The following LIN9 variants were observed in gnomAD, a reference collection of about 807,000 sequenced individuals.
LIN9 encodes lin-9 DREAM MuvB core complex component.
LIN9 carries 18 observed loss-of-function variants against 78.0 expected under a neutral mutation model. That is an observed-to-expected ratio of 0.23 (90% CI 0.16 to 0.34). LIN9 has a LOEUF of 0.34. LIN9 is among the 10% of genes least tolerant of loss of function. The pLI is 1.00. For synonymous variants in LIN9, 192 were observed against 215.2 expected, an observed-to-expected ratio of 0.89 and a Z score of 0.94; for missense variants, 451 against 644.1, an observed-to-expected ratio of 0.70 and a Z score of 3.25.
At chr1:226,276,241 T>C (rs1179096379) in intron 7 of LIN9, among the ~76,000 whole-genome samples, 2 of 152,212 alleles carry the variant, frequency 1.3e-5, no homozygotes, top group Non-Finnish European at 2.9e-5. Context: ...AGTCTGAGAG[T>C]CACTCTTCAC....
At chr1:226,275,461 C>G (rs200677531) in intron 7 of LIN9, among the ~76,000 whole-genome samples, 3 of 151,760 alleles carry the variant, frequency 2.0e-5, no homozygotes, top group African/African-American at 7.3e-5. Flanking sequence ...TTTGGGAGGC[C>G]GAGGCGGGTG....
chr1:226,272,150 A>G (rs1660322271), intron 7 of LIN9, among the ~76,000 whole-genome samples: 1 of 150,072 alleles, frequency 6.7e-6, no homozygotes, highest in Admixed American at 6.7e-5. Context: ...TCTACCTCCC[A>G]GGTTCAAGTG....
At chr1:226,255,115 G>A (rs1264039041) in intron 10 of LIN9, among the ~76,000 whole-genome samples, 3 of 152,062 alleles carry the variant, frequency 2.0e-5, no homozygotes, top group African/African-American at 7.2e-5. Flanking sequence ...TGTGGTAGGT[G>A]CATTAAGCAT....
intron 6 of LIN9, among the ~76,000 whole-genome samples, chr1:226,284,714 A>G (rs1661293118): frequency 6.6e-6 from 1 of 152,094 alleles, no homozygotes; most frequent in Non-Finnish European, 1.5e-5. Context: ...ACAGAGCAAG[A>G]CTCTGTCTCA....
intron 12 of LIN9, among the ~76,000 whole-genome samples, chr1:226,236,850 T>C (rs1407116516): frequency 6.6e-6 from 1 of 152,224 alleles, no homozygotes; most frequent in Non-Finnish European, 1.5e-5. Context: ...CTGGGTAGCA[T>C]TTCCATTGTG....
chr1:226,303,290 C>CA (rs1481787593), intron 1 of LIN9, among the ~76,000 whole-genome samples: 1 of 152,182 alleles, frequency 6.6e-6, no homozygotes, highest in East Asian at 1.9e-4. Context: ...GCAAAATAGT[C>CA]AAAGTCCCTG....
At position 226,277,767 on chromosome 1, in the gene LIN9, T is replaced by G. The variant is rs759716785; in HGVS notation, c.682+8A>C. 6.2e-7 allele frequency: 1 copy of G among 1,609,698 alleles called. No homozygotes were observed. ...AGTCAAAAGAGTAATTAGCTTGTTTTCACTTACCTGTAACTTTCGTTCCAA... is the reference window on the plus strand; with the variant it reads ...AGTCAAAAGAGTAATTAGCTTGTTTGCACTTACCTGTAACTTTCGTTCCAA... On this transcript the variant is annotated splice_region_variant and intron_variant, in intron 7 of 14. Coordinates refer to ENST00000681046, the MANE Select transcript of LIN9 (RefSeq NM_001366245.2).
intron 11 of LIN9, among the ~76,000 whole-genome samples, chr1:226,240,007 T>C (rs1576276435): frequency 6.6e-6 from 1 of 152,022 alleles, no homozygotes. Flanking sequence ...AAAGAAAACT[T>C]TCCTAGACCT....
At chr1:226,288,910 T>A (rs1576344144) in intron 4 of LIN9, among the ~76,000 whole-genome samples, 1 of 152,058 alleles carries the variant, frequency 6.6e-6, no homozygotes, top group East Asian at 1.9e-4. Context: ...GATTCTAAAG[T>A]CTACATGGAA....
chr1:226,302,688 G>T (rs1576363998), intron 1 of LIN9, among the ~76,000 whole-genome samples: 2 of 151,970 alleles, frequency 1.3e-5, no homozygotes, highest in Non-Finnish European at 2.9e-5. Flanking sequence ...TGATCTCAGG[G>T]GATTAAATAA....
chr1:226,302,460 G>A lies in LIN9; in HGVS notation c.32-1255C>T, dbSNP rs536735138. ...CGGGAGGCTGAGGTGGGAGAATGGC[G>A]TGAGCCCACAAGGCAGAGCTTGCAG... On this transcript the variant is annotated intron_variant, in intron 1 of 14. Coordinates refer to ENST00000681046, the MANE Select transcript of LIN9 (RefSeq NM_001366245.2). Among the ~76,000 whole-genome samples, 365 of 151,582 alleles carry A rather than the reference G, an allele frequency of 2.4e-3. 3 individuals carry two copies. The South Asian group carries it at 0.029, about 12-fold the overall frequency.
intron 11 of LIN9, among the ~76,000 whole-genome samples, chr1:226,243,719 G>T (rs1658266590): frequency 7.0e-6 from 1 of 143,696 alleles, no homozygotes; most frequent in Non-Finnish European, 1.5e-5. Flanking sequence ...AAAAAAAAAG[G>T]TCCCCTCCTC....
intron 1 of LIN9, among the ~76,000 whole-genome samples, chr1:226,305,170 T>TA (rs930861830): frequency 6.0e-5 from 9 of 148,998 alleles, no homozygotes; most frequent in East Asian, 4.0e-4. Context: ...ACTCCATCTT[T>TA]AAAAAAAAAT....
chr1:226,294,734 A>AAAAATT, intron 4 of LIN9, among the ~76,000 whole-genome samples: 1 of 152,306 alleles, frequency 6.6e-6, no homozygotes, highest in East Asian at 1.9e-4. Flanking sequence ...TGAATAAGAC[A>AAAAATT]AAAATTACAT....
chr1:226,233,559 C>T lies in LIN9; in HGVS notation c.1246-36G>A, dbSNP rs370096879. 7 of 1,510,670 alleles carry T rather than the reference C, an allele frequency of 4.6e-6. 1 individual carries two copies. Among genetic ancestry groups the T allele is most frequent in the Non-Finnish European group, 5.4e-6 (6 of 1,120,956 alleles). The allele number at this position is 1,510,670 out of a possible 1,614,324, so 93.6% of individuals were successfully genotyped here. On this transcript the variant is annotated intron_variant, in intron 12 of 14. Transcript: ENST00000681046. ...ATGATTGAAGCATGAGACGCATGTT[C>T]GAGAAGCCATGATTATTTCTGTATG...
At chr1:226,253,124 G>A (rs1038733773) in intron 10 of LIN9, among the ~76,000 whole-genome samples, 1 of 151,722 alleles carries the variant, frequency 6.6e-6, no homozygotes, top group African/African-American at 2.4e-5. Flanking sequence ...TTAGCCAAGT[G>A]TGGTGGCGCC....
At chr1:226,305,075 CAGG>C (rs1177560447) in intron 1 of LIN9, among the ~76,000 whole-genome samples, 2 of 151,808 alleles carry the variant, frequency 1.3e-5, no homozygotes, top group African/African-American at 4.8e-5. Flanking sequence ...GAGGCTAAGG[CAGG>C]AGAATTGCTT....
At chr1:226,306,035 GA>G (rs528566660) in intron 1 of LIN9, among the ~76,000 whole-genome samples, 37 of 152,170 alleles carry the variant, frequency 2.4e-4, no homozygotes, top group African/African-American at 8.9e-4. Flanking sequence ...TGAAAGGGAG[GA>G]AAGTGGCTGG....
At chr1:226,309,289 C>G (rs894265846), upstream of LIN9, 19 of 1,073,534 alleles carry the variant, frequency 1.8e-5, no homozygotes, top group Admixed American at 5.5e-5. Context: ...GAGGCGGGCC[C>G]GGCTCCGCCC....
Sources: allele counts gnomAD v4.1 joint callset (sites outside exome capture counted in the v4.1 genomes callset), GRCh38; gene constraint gnomAD v4.1.1; transcripts MANE v1.5; gene names NCBI Gene and HGNC (gene_info 2026-07-23, HGNC 2026-07-21).